Variants in DEK observed in about 807,000 individuals in gnomAD.
The protein encoded by DEK is DEK proto-oncogene, also known as protein DEK.
A neutral mutation model predicts 46.8 loss-of-function variants in DEK; 28 were observed. That is an observed-to-expected ratio of 0.60 (90% CI 0.44 to 0.82). DEK has a LOEUF of 0.82. Among genes scored for constraint, DEK ranks in the 40% least tolerant of loss-of-function variants. The pLI, the probability that DEK is intolerant of heterozygous loss-of-function variation, is 0.00. For synonymous variants in DEK, 160 were observed against 144.5 expected (o/e 1.11, Z -0.77); for missense variants, 416 against 430.6 (o/e 0.97, Z 0.30).
chr6:18,257,667 GTATTGCA>G (rs1791658180), intron 4 of DEK, among the ~76,000 whole-genome samples: 1 of 151,858 alleles, frequency 6.6e-6, no homozygotes, highest in Non-Finnish European at 1.5e-5. Flanking sequence ...AGTGAGCCAT[GTATTGCA>G]CACTGTACTC....
chr6:18,248,710 T>C (rs1202989333), intron 7 of DEK, among the ~76,000 whole-genome samples: 3 of 152,006 alleles, frequency 2.0e-5, no homozygotes, highest in Non-Finnish European at 4.4e-5. Context: ...AATACCAGAG[T>C]TCACTATATC....
chr6:18,258,226 A>T, intron 3 of DEK, 78 bp downstream of exon 3: 1 of 1,283,462 alleles, frequency 7.8e-7, no homozygotes, highest in Non-Finnish European at 1.1e-6. Context: ...TACCTTGCTG[A>T]TACTAAGCTA....
At chr6:18,226,768 T>G (rs2151075334) in intron 9 of DEK, among the ~76,000 whole-genome samples, 1 of 152,122 alleles carries the variant, frequency 6.6e-6, no homozygotes, top group Non-Finnish European at 1.5e-5. Context: ...CCACAGAGTG[T>G]GGGGAAAAGA....
At chr6:18,239,390 C>A (rs907451957) in intron 7 of DEK, among the ~76,000 whole-genome samples, 6 of 130,142 alleles carry the variant, frequency 4.6e-5, no homozygotes, top group African/African-American at 1.8e-4. Flanking sequence ...CGCTATGTTA[C>A]CCATGCTAGA....
chr6:18,244,018 A>G (rs889738329), intron 7 of DEK, among the ~76,000 whole-genome samples: 10 of 152,184 alleles, frequency 6.6e-5, no homozygotes, highest in African/African-American at 2.4e-4. Context: ...CTCTTTCAAA[A>G]TATCTTGAAA....
intron 9 of DEK, 31 bp downstream of exon 9, chr6:18,236,421 A>T (rs1325134225): frequency 1.2e-5 from 19 of 1,598,878 alleles, no homozygotes; most frequent in Non-Finnish European, 1.6e-5. Flanking sequence ...TTCTAGCAAA[A>T]GCAAAATAAT....
In DEK at chr6:18,226,143, A is replaced by G. The variant is rs551566566; in HGVS notation, c.1116+31T>C. Reference sequence around the variant, plus strand: ...GTAATTACTTTTGTCTTATATTTCTAAAGTCAAACTTGAAAGACTGAAATA... The same window carrying G: ...GTAATTACTTTTGTCTTATATTTCTGAAGTCAAACTTGAAAGACTGAAATA... On this transcript the variant is annotated intron_variant, in intron 10 of 10. Transcript: ENST00000652689. The G allele has an allele frequency of 7.1e-4, 901 of 1,265,076 alleles. 16 individuals are homozygous for G. In the South Asian group the frequency reaches 0.014, roughly 20 times the overall value. 78.4% of individuals were successfully genotyped at this position (1,265,076 alleles called of 1,614,324 possible).
Position 18,259,831 on chromosome 6 carries a change from G to T in DEK, c.146-1426C>A, listed in dbSNP as rs368748388. ...CTTAGATTTAGTAATGTAAGGATTC[G>T]CACAGAAAGAATACTTCAGGAGAAA... On this transcript the variant is annotated intron_variant, in intron 2 of 10. Transcript: ENST00000652689. Among the ~76,000 whole-genome samples, 15 of 152,260 alleles carry T rather than the reference G, an allele frequency of 9.9e-5. No individual in the cohort carries two copies. In the South Asian group the frequency reaches 1.0e-3, roughly 11 times the overall value.
intron 2 of DEK, among the ~76,000 whole-genome samples, chr6:18,263,376 A>G (rs1449379418): frequency 1.3e-5 from 2 of 152,242 alleles, no homozygotes; most frequent in African/African-American, 4.8e-5. Flanking sequence ...AAGTATTCAA[A>G]TACTTCCGGG....
chr6:18,256,569 A>G, intron 4 of DEK, 114 bp from the exon 5 acceptor site: 1 of 774,934 alleles, frequency 1.3e-6, no homozygotes, highest in South Asian at 2.1e-5. Flanking sequence ...TGTAAGTTAC[A>G]ATACTGGCTG....
At chr6:18,232,705 TAA>T (rs1259915614) in intron 9 of DEK, among the ~76,000 whole-genome samples, 2 of 152,010 alleles carry the variant, frequency 1.3e-5, no homozygotes, top group East Asian at 1.9e-4. Flanking sequence ...CTCAACAAAA[TAA>T]AAGAGGACAC....
At chr6:18,256,952 G>T (rs1025865519) in intron 4 of DEK, among the ~76,000 whole-genome samples, 3 of 152,178 alleles carry the variant, frequency 2.0e-5, no homozygotes, top group Non-Finnish European at 4.4e-5. Context: ...AGGATTAAAT[G>T]AGATTAACAG....
chr6:18,239,311 C>T (rs1790803458), intron 7 of DEK, among the ~76,000 whole-genome samples: 1 of 149,350 alleles, frequency 6.7e-6, no homozygotes, highest in South Asian at 2.1e-4. Flanking sequence ...CAAAAGTGGC[C>T]TCAAGCTATT....
intron 7 of DEK, among the ~76,000 whole-genome samples, chr6:18,239,338 CTTTTTTTTTTTTT>C (rs58941276): frequency 1.9e-4 from 15 of 78,290 alleles, no homozygotes; most frequent in African/African-American, 8.4e-4. Flanking sequence ...ATTTTAGTGT[CTTTTTTTTTTTTT>C]TTTTTTTTTT....
chr6:18,253,103 A>ATTT (rs912873446), intron 6 of DEK, among the ~76,000 whole-genome samples: 3 of 137,546 alleles, frequency 2.2e-5, no homozygotes, highest in African/African-American at 5.3e-5. Context: ...AGAACCCCAC[A>ATTT]TTTTTTTTTT....
chr6:18,225,949 G>T, intron 10 of DEK: 1 of 687,984 alleles, frequency 1.5e-6, no homozygotes, highest in Non-Finnish European at 2.3e-6. Context: ...GGTACACCAT[G>T]AGGCCACATC....
In DEK at chr6:18,263,883, T is replaced by C. The variant is rs1791985486; in HGVS notation, c.105A>G (p.Glu35=). Residue 35 remains glutamate (E), a synonymous_variant, in exon 2 of 11, where the codon GAA becomes GAG. Coordinates refer to ENST00000652689, the MANE Select transcript of DEK (RefSeq NM_003472.4). ...MPGPREESEE[E]EDEDDEEEEE... ...CCTCCTCCTCGTCGTCCTCGTCCTC[T>C]TCCTCCTCGCTCTCCTCTCTGGGAC... 6.8e-6 allele frequency: 11 copies of C among 1,612,952 alleles called. No individual in the cohort carries two copies. The highest frequency in any genetic ancestry group is 1.1e-5 in the South Asian group (1 of 90,886).
At chr6:18,242,615 A>G (rs766628576) in intron 7 of DEK, among the ~76,000 whole-genome samples, 81 of 152,172 alleles carry the variant, frequency 5.3e-4, no homozygotes, top group Non-Finnish European at 1.1e-3. Context: ...TGCTCCCAGA[A>G]CCTTGGCCCA....
At chr6:18,247,914 C>A (rs1302127922) in intron 7 of DEK, among the ~76,000 whole-genome samples, 6 of 152,106 alleles carry the variant, frequency 3.9e-5, no homozygotes. Context: ...TCAGGTGATC[C>A]ACCCACCTCG....
Sources: allele counts gnomAD v4.1 joint callset (sites outside exome capture counted in the v4.1 genomes callset), GRCh38; gene constraint gnomAD v4.1.1; transcripts MANE v1.5; gene names NCBI Gene and HGNC (gene_info 2026-07-23, HGNC 2026-07-21).